CSMD3: variants seen among roughly 807,000 people sequenced by gnomAD.
The protein encoded by CSMD3 is CUB and Sushi multiple domains 3, also known as CUB and sushi domain-containing protein 3.
Under a neutral mutation model 435.2 loss-of-function variants are expected in CSMD3, and 177 were observed. The observed-to-expected ratio is 0.41, with a 90% CI of 0.36 to 0.46. The LOEUF (loss-of-function observed/expected upper bound fraction) is 0.46, where lower values mean the gene tolerates loss of function less well. Among genes scored for constraint, CSMD3 ranks in the 20% least tolerant of loss-of-function variants. The probability of loss-of-function intolerance (pLI) is 0.34; values close to 1 mark genes in which losing one functional copy is unlikely to be tolerated. For missense variants in CSMD3, 4,265 were observed against 4,504.6 expected, an observed-to-expected ratio of 0.95 and a Z score of 1.52; for synonymous variants, 1,656 against 1,520.5, an observed-to-expected ratio of 1.09 and a Z score of -2.07.
At chr8:112,869,749 G>A (rs2081078810) in intron 10 of CSMD3, among the ~76,000 whole-genome samples, 1 of 152,164 alleles carries the variant, frequency 6.6e-6, no homozygotes, top group African/African-American at 2.4e-5. Flanking sequence ...GGATGAAGCT[G>A]GAAGCCATAA....
intron 4 of CSMD3, among the ~76,000 whole-genome samples, chr8:113,106,051 T>C (rs2090465153): frequency 6.6e-6 from 1 of 152,100 alleles, no homozygotes; most frequent in African/African-American, 2.4e-5. Flanking sequence ...TAGCACACTA[T>C]ACCCCAGACT....
chr8:112,909,392 TA>T (rs1174833768), intron 10 of CSMD3, among the ~76,000 whole-genome samples: 2 of 151,606 alleles, frequency 1.3e-5, no homozygotes, highest in African/African-American at 4.8e-5. Context: ...AACAGAAGTG[TA>T]AAATTTTAAA....
chr8:112,263,624 A>G lies in CSMD3; in HGVS notation c.9862+15T>C. The G allele has an allele frequency of 6.2e-7, 1 of 1,611,146 alleles. No homozygotes were observed. The highest frequency in any genetic ancestry group is 1.1e-5 in the South Asian group (1 of 90,852). On this transcript the variant is annotated intron_variant, in intron 61 of 70. Transcript: ENST00000297405. ...AAAATTTTAAGTAACAGTTGTTAGT[A>G]GAAATCATACTTACGTAAGCACTGC...
chr8:112,679,085 G>GTT (rs1195093248), intron 16 of CSMD3, among the ~76,000 whole-genome samples: 1,666 of 115,008 alleles, frequency 0.014, 21 homozygotes, highest in East Asian at 0.091. Flanking sequence ...GATGGGGCAG[G>GTT]TTTTTTTTTT....
intron 36 of CSMD3, among the ~76,000 whole-genome samples, chr8:112,388,198 G>C (rs1830129085): frequency 1.3e-5 from 2 of 152,128 alleles, no homozygotes; most frequent in Admixed American, 1.3e-4. Context: ...AGTGCAGATA[G>C]AATAGTTACA....
intron 22 of CSMD3, among the ~76,000 whole-genome samples, chr8:112,631,415 T>TA (rs942009758): frequency 3.9e-5 from 6 of 151,900 alleles, no homozygotes; most frequent in African/African-American, 1.2e-4. Flanking sequence ...GTCTATTGTA[T>TA]AAAAAAACGA....
At chr8:112,682,766 T>A in intron 15 of CSMD3, 130 bp from the exon 16 acceptor site, 1 of 714,918 alleles carries the variant, frequency 1.4e-6, no homozygotes, top group Non-Finnish European at 2.4e-6. Flanking sequence ...CTACACAAGT[T>A]TTTATTTATT....
intron 29 of CSMD3, among the ~76,000 whole-genome samples, chr8:112,504,537 T>G (rs1450406495): frequency 6.6e-6 from 1 of 152,138 alleles, no homozygotes; most frequent in East Asian, 1.9e-4. Context: ...CAAATGAAGC[T>G]TTGCACATTG....
chr8:112,286,993 G>A (rs2130631331), intron 58 of CSMD3, 71 bp downstream of exon 58: 1 of 1,220,362 alleles, frequency 8.2e-7, no homozygotes, highest in Non-Finnish European at 1.2e-6. Context: ...TTTCCTAGTA[G>A]TACTCATCTG....
At chr8:112,311,895 C>G (rs1011678675) in intron 49 of CSMD3, among the ~76,000 whole-genome samples, 1 of 151,928 alleles carries the variant, frequency 6.6e-6, no homozygotes. Flanking sequence ...TAGTAAGAAA[C>G]AAATTGGACT....
At chr8:113,217,181 A>G (rs1191412653) in intron 3 of CSMD3, among the ~76,000 whole-genome samples, 2 of 151,434 alleles carry the variant, frequency 1.3e-5, no homozygotes, top group African/African-American at 4.9e-5. Context: ...CAGTCTGAAG[A>G]GGTGTAAATT....
intron 22 of CSMD3, among the ~76,000 whole-genome samples, chr8:112,600,599 A>G (rs1221544620): frequency 6.6e-6 from 1 of 152,240 alleles, no homozygotes; most frequent in Non-Finnish European, 1.5e-5. Flanking sequence ...CTTTTAGTCA[A>G]ACGGTCAAAC....
At chr8:113,309,166 G>C (rs899012484) in intron 2 of CSMD3, 2 of 151,932 alleles carry the variant, frequency 1.3e-5, no homozygotes, top group East Asian at 3.9e-4. Flanking sequence ...GCCCAGGCTG[G>C]TCTCAAACTC....
chr8:113,385,703 T>C (rs1025141974), intron 1 of CSMD3, among the ~76,000 whole-genome samples: 3 of 152,072 alleles, frequency 2.0e-5, no homozygotes, highest in Non-Finnish European at 4.4e-5. Flanking sequence ...TGGAAGAGGG[T>C]AAAATCTCCT....
chr8:113,355,580 C>A (rs1310160779), intron 1 of CSMD3, among the ~76,000 whole-genome samples: 1 of 151,448 alleles, frequency 6.6e-6, no homozygotes, highest in Non-Finnish European at 1.5e-5. Context: ...CTCCCAAAGG[C>A]CGCGCTTCCT....
chr8:112,556,285 A>G (rs1828110242), intron 25 of CSMD3, among the ~76,000 whole-genome samples: 1 of 151,956 alleles, frequency 6.6e-6, no homozygotes, highest in Admixed American at 6.6e-5. Context: ...AAAGCAATAT[A>G]TCTTATGTCA....
At chr8:112,962,575 T>C (rs1231410056) in intron 7 of CSMD3, among the ~76,000 whole-genome samples, 4 of 151,878 alleles carry the variant, frequency 2.6e-5, no homozygotes, top group African/African-American at 4.8e-5. Context: ...AATTAATTGC[T>C]TTAATAAATA....
Position 112,556,746 on chromosome 8 carries a change from C to G in CSMD3, c.4234+17G>C, listed in dbSNP as rs2131223454. 1 of 1,584,970 alleles carries G rather than the reference C, an allele frequency of 6.3e-7. No homozygotes were observed. Among genetic ancestry groups the G allele is most frequent in the Non-Finnish European group, 8.7e-7 (1 of 1,154,208 alleles). On this transcript the variant is annotated intron_variant, in intron 25 of 70. Coordinates refer to ENST00000297405, the MANE Select transcript of CSMD3 (RefSeq NM_198123.2). ...TTTCACAGAAATATTCAATGAAAAT[C>G]TATGACAGTATCCTACCAATACAGG... is the stretch of plus-strand genomic sequence containing the variant.
At chr8:113,001,107 T>C (rs905325823) in intron 6 of CSMD3, among the ~76,000 whole-genome samples, 2 of 152,028 alleles carry the variant, frequency 1.3e-5, no homozygotes, top group African/African-American at 2.4e-5. Context: ...CTGCCTTCCA[T>C]CTTAATCTAG....
Sources: allele counts gnomAD v4.1 joint callset (sites outside exome capture counted in the v4.1 genomes callset), GRCh38; gene constraint gnomAD v4.1.1; transcripts MANE v1.5; gene names NCBI Gene and HGNC (gene_info 2026-07-23, HGNC 2026-07-21).